Variants in ATG9B observed in about 807,000 individuals in gnomAD.
The protein encoded by ATG9B is autophagy related 9B, also known as autophagy-related protein 9B.
A neutral mutation model predicts 92.9 loss-of-function variants in ATG9B; 92 were observed. The observed-to-expected ratio is 0.99, with a 90% confidence interval of 0.84 to 1.18. The LOEUF (loss-of-function observed/expected upper bound fraction) is 1.18. Among genes scored for constraint, ATG9B ranks in the 50% most tolerant of loss-of-function variants. ATG9B has a pLI of 0.00. For synonymous variants in ATG9B, 599 were observed against 551.4 expected (o/e 1.09, Z -1.21); for missense variants, 1,344 against 1,235.0 (o/e 1.09, Z -1.32).
At chr7:151,012,996 C>T (rs958995034), downstream of ATG9B, 4 of 546,296 alleles carry the variant, frequency 7.3e-6, no homozygotes, top group South Asian at 2.5e-5. Flanking sequence ...CGCATTCTAG[C>T]GCAGCTCCAC....
chr7:151,023,161 G>T lies in ATG9B; in HGVS notation c.705C>A (p.Cys235Ter), dbSNP rs752021430. The T allele has an allele frequency of 6.2e-6, 10 of 1,614,162 alleles. No individual in the cohort carries two copies. In the East Asian group the frequency reaches 2.2e-4, roughly 36 times the overall value. Reference sequence around the variant, plus strand: ...TGGCAAAGAGAACATTGTAATCCACGCATCGAAGGAGGAAGGTTGTGAAGG... The same window carrying T: ...TGGCAAAGAGAACATTGTAATCCACTCATCGAAGGAGGAAGGTTGTGAAGG... Reference protein sequence around the residue: ...IVTFTTFLLRCVDYNVLFANQ... With the variant: ...IVTFTTFLLR Residue 235 changes from cysteine (C) to a stop codon, truncating the protein, a stop_gained, in exon 4 of 14, where the codon TGC (cysteine) becomes TGA (stop). Coordinates refer to ENST00000639579, the MANE Select transcript of ATG9B (RefSeq NM_001317056.2). LOFTEE classifies it high-confidence loss of function.
At chr7:151,017,358 C>T (rs1046144575) in intron 8 of ATG9B, 86 bp from the exon 9 acceptor site, 2 of 1,330,744 alleles carry the variant, frequency 1.5e-6, no homozygotes, top group African/African-American at 1.5e-5. Flanking sequence ...CCATCTTCCA[C>T]GTGAAGGAAA....
chr7:151,021,098 GCCCT>G (rs1795728271), intron 5 of ATG9B, 86 bp downstream of exon 5: 2 of 1,463,252 alleles, frequency 1.4e-6, no homozygotes, highest in Non-Finnish European at 9.4e-7. Context: ...TTTCCAGTTG[GCCCT>G]TCCACCTGTA....
At chr7:151,014,403 C>T (rs1227233499), downstream of ATG9B, 2 of 508,810 alleles carry the variant, frequency 3.9e-6, no homozygotes, top group African/African-American at 3.9e-5. Context: ...CTCCCAGCAG[C>T]GGTACCCCAG....
chr7:151,013,754 C>A, downstream of ATG9B: 1 of 1,610,802 alleles, frequency 6.2e-7, no homozygotes, highest in Non-Finnish European at 8.5e-7. Flanking sequence ...GAGGACGGAG[C>A]TGGCTGCGGA....
downstream of ATG9B, chr7:151,013,323 C>T (rs1795348212): frequency 3.7e-6 from 6 of 1,613,946 alleles, no homozygotes; most frequent in South Asian, 6.6e-5. Flanking sequence ...CGCCCAGCAG[C>T]GCGGGGTGTT....
intron 3 of ATG9B, 53 bp downstream of exon 3, chr7:151,023,392 A>C: frequency 6.2e-7 from 1 of 1,606,590 alleles, no homozygotes; most frequent in Non-Finnish European, 8.5e-7. Context: ...AAATGACAGA[A>C]GGAAGCCATG....
Position 151,020,037 on chromosome 7 carries a change from T to C in ATG9B, c.964-663A>G, listed in dbSNP as rs909943928. ...AACAAAAAACCAGAATGTCTGGCAG[T>C]TCGTGGGAGAATCTCTCCTTCCCAT... On this transcript the variant is annotated intron_variant, in intron 5 of 13. Transcript: ENST00000639579. 7 of 152,182 alleles carry C rather than the reference T, an allele frequency of 4.6e-5. No homozygotes were observed. In the East Asian group the frequency reaches 1.3e-3, roughly 29 times the overall value. The allele number at this position is 152,182 out of a possible 1,614,324, so 9.4% of individuals were successfully genotyped here. A position where few individuals can be genotyped will look rare whatever the true frequency, so the allele number is the denominator to read the frequency against.
downstream of ATG9B, chr7:151,014,144 C>G: frequency 1.2e-6 from 2 of 1,609,338 alleles, no homozygotes; most frequent in Non-Finnish European, 1.7e-6. Context: ...TTCGACCCTC[C>G]CGGCTCAGAC....
Position 151,019,094 on chromosome 7 carries a change from C to A in ATG9B, c.1244G>T (p.Gly415Val), listed in dbSNP as rs1260449164. The A allele has an allele frequency of 3.3e-6, 5 of 1,535,784 alleles. No homozygotes were observed. The highest frequency in any genetic ancestry group is 8.7e-7 in the Non-Finnish European group (1 of 1,146,474). The change falls in exon 6 of 14, where the codon GGC (glycine) becomes GTC (valine). Residue 415 changes from glycine to valine, a missense_variant. Coordinates refer to ENST00000639579, the MANE Select transcript of ATG9B (RefSeq NM_001317056.2). Reference sequence around the variant, plus strand: ...CTTGTAGGCGTGCGGCAGCTCCCAGCCCCCGCGGAAGAGCGAGAAGGGACC... The same window carrying A: ...CTTGTAGGCGTGCGGCAGCTCCCAGACCCCGCGGAAGAGCGAGAAGGGACC... ...FRGPFSLFRG[G>V]WELPHAYKRS...
intron 1 of ATG9B, 58 bp from the exon 2 acceptor site, chr7:151,023,788 A>G: frequency 6.2e-7 from 1 of 1,613,072 alleles, no homozygotes; most frequent in East Asian, 2.2e-5. Context: ...CCACGTTCTC[A>G]ACCCGCTGCC....
chr7:151,018,731 C>T lies in ATG9B; in HGVS notation c.1607G>A (p.Gly536Asp). The T allele has an allele frequency of 6.3e-7, 1 of 1,578,744 alleles. No homozygotes were observed. The highest frequency in any genetic ancestry group is 8.6e-7 in the Non-Finnish European group (1 of 1,167,014). ...LLARQLVFFA[G>D]ALFAALLVLT... ...CACAAGCAGCGCGGCGAAGAGTGCA[C>T]CCGCGAAGAAAACGAGCTGGCGGGC... The change falls in exon 6 of 14, where the codon GGT (glycine) becomes GAT (aspartate). Residue 536 changes from glycine to aspartate, a missense_variant. Coordinates refer to ENST00000639579, the MANE Select transcript of ATG9B (RefSeq NM_001317056.2). The surrounding 1 kb of genome is among the most constrained non-coding windows in gnomAD (Gnocchi z 4.7).
At chr7:151,013,339 G>T, downstream of ATG9B, 2 of 1,613,868 alleles carry the variant, frequency 1.2e-6, no homozygotes, top group Non-Finnish European at 1.7e-6. Flanking sequence ...GTGTTTGGCC[G>T]AGTCCTCACC....
intron 11 of ATG9B, 79 bp from the exon 12 acceptor site, chr7:151,016,314 T>G (rs1020058473): frequency 1.0e-5 from 15 of 1,479,860 alleles, no homozygotes. Flanking sequence ...GCAGAGGGCT[T>G]TTCAGCCTCC....
At chr7:151,020,375 G>A (rs2117168614) in intron 5 of ATG9B, 1 of 152,748 alleles carries the variant, frequency 6.5e-6, no homozygotes, top group East Asian at 1.9e-4. Flanking sequence ...GGAGGGGAAA[G>A]AAGGGAGGAG....
At chr7:151,022,638 CAGG>C (rs1795793671) in intron 4 of ATG9B, among the ~76,000 whole-genome samples, 1 of 151,724 alleles carries the variant, frequency 6.6e-6, no homozygotes, top group Admixed American at 6.6e-5. Context: ...CACCTGAGGC[CAGG>C]AGTTCCAGAC....
At chr7:151,013,158 G>T (rs570991376), downstream of ATG9B, 206 of 1,508,186 alleles carry the variant, frequency 1.4e-4, 1 homozygote, top group African/African-American at 2.6e-3. Context: ...GCTGGGCGAC[G>T]GTGGCCTGTG....
downstream of ATG9B, chr7:151,013,757 G>A (rs1795367339): frequency 1.2e-6 from 2 of 1,611,038 alleles, no homozygotes; most frequent in South Asian, 1.1e-5. Context: ...GACGGAGCTG[G>A]CTGCGGAGGT....
chr7:151,015,230 G>T lies in ATG9B; in HGVS notation c.*498C>A, dbSNP rs3918212. The T allele has an allele frequency of 6.6e-6, 1 of 151,758 alleles. No individual in the cohort carries two copies. The allele number at this position is 151,758 out of a possible 1,614,324, so 9.4% of individuals were successfully genotyped here. ...ACCCACTTCCTGGGACATCACACCC[G>T]TACTGAAGTCCAAAAACATCATCCC... On this transcript the variant is annotated 3_prime_UTR_variant, in exon 14 of 14. Transcript: ENST00000639579.
Sources: gnomAD v4.1 joint callset for allele counts (sites outside exome capture counted in the v4.1 genomes callset) on GRCh38, gnomAD v4.1.1 for gene constraint, Gnocchi (gnomAD v3.1) non-coding constraint, MANE v1.5 for transcripts, NCBI Gene and HGNC (gene_info 2026-07-23, HGNC 2026-07-21) for gene names.